TMEM135: variants seen among roughly 807,000 people sequenced by gnomAD.
TMEM135 encodes transmembrane protein 135.
In TMEM135, 30 loss-of-function variants were observed where a neutral mutation model predicts 60.3. That is an observed-to-expected ratio of 0.50 (90% CI 0.37 to 0.68). The LOEUF (loss-of-function observed/expected upper bound fraction) is 0.68. Ranked by LOEUF, TMEM135 falls within the 30% of genes least tolerant of loss-of-function variation. TMEM135 has a pLI of 0.00. For synonymous variants in TMEM135, 190 were observed against 186.7 expected (o/e 1.02, Z -0.14); for missense variants, 468 against 548.8 (o/e 0.85, Z 1.47).
chr11:87,326,074 G>A lies in TMEM135; in HGVS notation c.*4741G>A. ...TTTCTTTAGCTCACAAACTACTATA[G>A]CTTGCCTGTTCAGTTTTTTTTTTTT... On this transcript the variant is annotated 3_prime_UTR_variant, in exon 15 of 15. Coordinates refer to ENST00000305494, the MANE Select transcript of TMEM135 (RefSeq NM_022918.4). 2.2e-6 allele frequency: 1 copy of A among 453,360 alleles called. No homozygotes were observed. The highest frequency in any genetic ancestry group is 4.4e-6 in the Non-Finnish European group (1 of 226,684). 28.1% of individuals were successfully genotyped at this position (453,360 alleles called of 1,614,324 possible).
intron 5 of TMEM135, among the ~76,000 whole-genome samples, chr11:87,212,130 C>G (rs945857542): frequency 2.0e-5 from 3 of 152,038 alleles, no homozygotes; most frequent in Non-Finnish European, 4.4e-5. Flanking sequence ...TAGCAAATGC[C>G]CAATAGCTGG....
At chr11:87,072,285 T>G (rs1389950961) in intron 3 of TMEM135, among the ~76,000 whole-genome samples, 1 of 152,156 alleles carries the variant, frequency 6.6e-6, no homozygotes, top group African/African-American at 2.4e-5. Flanking sequence ...TAACAATAGT[T>G]TTTTATTATC....
At chr11:87,261,318 G>A (rs1010575597) in intron 6 of TMEM135, among the ~76,000 whole-genome samples, 1 of 151,930 alleles carries the variant, frequency 6.6e-6, no homozygotes, top group African/African-American at 2.4e-5. Context: ...TTATTACCCA[G>A]TTTTAACTAC....
chr11:87,068,431 C>T lies in TMEM135; in HGVS notation c.269+610C>T, dbSNP rs572634579. 3.3e-5 allele frequency among the ~76,000 whole-genome samples: 5 copies of T among 152,250 alleles called. 1 individual carries two copies. The highest frequency in any genetic ancestry group is 2.6e-4 in the Admixed American group (4 of 15,296). On this transcript the variant is annotated intron_variant, in intron 2 of 14. Transcript: ENST00000305494. ...GTTGATTGCTGAAAACTCAAACTTA[C>T]GTTTATTTATTTATTTATTTTTTAA...
In TMEM135 at chr11:87,067,765, C is replaced by T. The variant is rs183428990; in HGVS notation, c.213C>T (p.Ser71=). Residue 71 remains serine, a synonymous_variant, in exon 2 of 15, where the codon TCC becomes TCT. Coordinates refer to ENST00000305494, the MANE Select transcript of TMEM135 (RefSeq NM_022918.4). ...AACTACTCCCTGAGATCCTACAATC[C>T]GCTTCATTTCTAACTGCTAATGGGG... ...LHKLLPEILQ[S]ASFLTANGAL... is the part of the protein sequence containing the mutation. 2.5e-4 allele frequency: 401 copies of T among 1,613,882 alleles called. 1 individual carries two copies. In the South Asian group the frequency reaches 3.4e-3, roughly 14 times the overall value.
At chr11:87,271,637 A>G (rs554643269) in intron 6 of TMEM135, among the ~76,000 whole-genome samples, 1 of 152,280 alleles carries the variant, frequency 6.6e-6, no homozygotes, top group Non-Finnish European at 1.5e-5. Context: ...AGTGAAATAT[A>G]TTATTAAAAT....
At chr11:87,253,356 CA>C (rs1941458958) in intron 6 of TMEM135, among the ~76,000 whole-genome samples, 2 of 152,022 alleles carry the variant, frequency 1.3e-5, no homozygotes, top group Non-Finnish European at 2.9e-5. Flanking sequence ...ACAATCATGT[CA>C]AAAATGGCCA....
At chr11:87,154,569 C>T (rs577542031) in intron 4 of TMEM135, among the ~76,000 whole-genome samples, 11 of 152,304 alleles carry the variant, frequency 7.2e-5, no homozygotes, top group Middle Eastern at 6.8e-3. Flanking sequence ...TCCACAGTGG[C>T]TGTGCCATTT....
At chr11:87,276,664 A>ACTTT (rs1324505577) in intron 6 of TMEM135, among the ~76,000 whole-genome samples, 5 of 109,652 alleles carry the variant, frequency 4.6e-5, no homozygotes, top group Admixed American at 4.5e-4. Context: ...TGTGTTTGTG[A>ACTTT]ATTTTTTTTT....
chr11:87,204,716 CTTTT>C (rs1015074292), intron 5 of TMEM135, among the ~76,000 whole-genome samples: 5 of 152,002 alleles, frequency 3.3e-5, no homozygotes, highest in Admixed American at 6.6e-5. Context: ...TCATAAAGAT[CTTTT>C]TTCTCATCAT....
At chr11:87,045,702 G>T (rs1373259430) in intron 1 of TMEM135, among the ~76,000 whole-genome samples, 2 of 152,146 alleles carry the variant, frequency 1.3e-5, no homozygotes, top group African/African-American at 4.8e-5. Context: ...TGAATAATCA[G>T]GCCTTTTATT....
intron 5 of TMEM135, among the ~76,000 whole-genome samples, chr11:87,164,253 A>G (rs1938974431): frequency 8.6e-6 from 1 of 116,830 alleles, no homozygotes; most frequent in Non-Finnish European, 1.7e-5. Flanking sequence ...AGCTTTCTAC[A>G]TATGGCTAGC....
intron 12 of TMEM135, among the ~76,000 whole-genome samples, chr11:87,314,920 G>T (rs1029036853): frequency 6.6e-6 from 1 of 151,578 alleles, no homozygotes; most frequent in African/African-American, 2.4e-5. Context: ...AAAGAATAAA[G>T]GCTAAAGGCT....
intron 4 of TMEM135, among the ~76,000 whole-genome samples, chr11:87,114,835 A>G (rs1307852702): frequency 2.0e-5 from 3 of 152,190 alleles, no homozygotes; most frequent in Non-Finnish European, 2.9e-5. Flanking sequence ...AATTGTACAC[A>G]CTAGTCAACC....
At chr11:87,133,782 C>T (rs1206378265) in intron 4 of TMEM135, among the ~76,000 whole-genome samples, 1 of 140,318 alleles carries the variant, frequency 7.1e-6, no homozygotes, top group African/African-American at 2.6e-5. Flanking sequence ...TAAATGGAAT[C>T]ATACAGTACA....
At chr11:87,095,487 T>G (rs1287793547) in intron 4 of TMEM135, 2 of 197,260 alleles carry the variant, frequency 1.0e-5, no homozygotes, top group Non-Finnish European at 2.2e-5. Context: ...TTGAGCTTCC[T>G]CACTATACAT....
chr11:87,144,080 A>G (rs546315016), intron 4 of TMEM135, among the ~76,000 whole-genome samples: 1 of 152,274 alleles, frequency 6.6e-6, no homozygotes, highest in African/African-American at 2.4e-5. Flanking sequence ...TTTCTTTTAA[A>G]ATTTCAAAAC....
In TMEM135 at chr11:87,323,021, A is replaced by C. The variant is rs1225764744; in HGVS notation, c.*1688A>C. The stretch of plus-strand genomic sequence containing the variant: ...TTTAAAATGAAGTACTAAAGCCCTG[A>C]GAACTGCACCTCATTTTCTTTATCC... On this transcript the variant is annotated 3_prime_UTR_variant, in exon 15 of 15. Transcript: ENST00000305494. The C allele has an allele frequency of 6.6e-6, 3 of 454,406 alleles. No homozygotes were observed. In the East Asian group the frequency reaches 2.1e-4, roughly 32 times the overall value. The allele number at this position is 454,406 out of a possible 1,614,324, so 28.1% of individuals were successfully genotyped here.
At chr11:87,055,810 G>A (rs528997352) in intron 1 of TMEM135, among the ~76,000 whole-genome samples, 4 of 152,058 alleles carry the variant, frequency 2.6e-5, no homozygotes, top group East Asian at 1.9e-4. Flanking sequence ...GGCTGGTCTC[G>A]AACTTCTGAC....
Sources: allele counts gnomAD v4.1 joint callset (sites outside exome capture counted in the v4.1 genomes callset), GRCh38; gene constraint gnomAD v4.1.1; transcripts MANE v1.5; gene names NCBI Gene and HGNC (gene_info 2026-07-23, HGNC 2026-07-21).